The following CTPS2 variants were observed in gnomAD, a reference collection of about 807,000 sequenced individuals.
The protein encoded by CTPS2 is CTP synthase II.
In CTPS2, 19 loss-of-function variants were observed where a neutral mutation model predicts 46.8. The ratio of observed to expected loss-of-function variants is 0.41; its 90% CI spans 0.28 to 0.60. The LOEUF (loss-of-function observed/expected upper bound fraction) is 0.60. Ranked by LOEUF, CTPS2 falls within the 20% of genes least tolerant of loss-of-function variation. The pLI is 0.35. For missense variants in CTPS2, 286 were observed against 447.6 expected (o/e 0.64, Z 3.26); for synonymous variants, 151 against 165.2 (o/e 0.91, Z 0.66).
intron 15 of CTPS2, among the ~76,000 whole-genome samples, chrX:16,619,074 G>A (rs1400367618): frequency 7.1e-5 from 8 of 112,244 alleles, no homozygotes; most frequent in Non-Finnish European, 1.3e-4. Context: ...TATCCCACCA[G>A]TTGGGCCCGT....
intron 13 of CTPS2, among the ~76,000 whole-genome samples, chrX:16,651,855 A>G (rs1273434586): frequency 9.0e-6 from 1 of 111,706 alleles, no homozygotes; most frequent in Non-Finnish European, 1.9e-5. Context: ...TTTGCTAAAG[A>G]AAAAGCTGAG....
Position 16,674,710 on chromosome X carries a change from C to T in CTPS2, c.1094+3652G>A, listed in dbSNP as rs1177580622. Among the ~76,000 whole-genome samples the T allele has an allele frequency of 1.0e-4, 11 of 106,363 alleles. No homozygotes were observed. The South Asian group carries it at 1.7e-3, about 17-fold the overall frequency. The allele number at this position is 106,363 out of a possible 115,157, so 92.4% of individuals were successfully genotyped here. On this transcript the variant is annotated intron_variant, in intron 10 of 18. Coordinates refer to ENST00000359276, the MANE Select transcript of CTPS2 (RefSeq NM_175859.3). ...AAAATTAGCCGGGCGTGGTGGCAGG[C>T]GCCTGTAGTCCCAGCTACTCGGGAG...
At chrX:16,712,007 G>A (rs1384579108) in intron 1 of CTPS2, 1 of 111,108 alleles carries the variant, frequency 9.0e-6, no homozygotes, top group Admixed American at 9.4e-5. Context: ...GGAGAAGTGG[G>A]GATCCGGGTG....
At chrX:16,607,031 C>T (rs1235339458) in intron 17 of CTPS2, among the ~76,000 whole-genome samples, 1 of 112,902 alleles carries the variant, frequency 8.9e-6, no homozygotes, top group East Asian at 2.8e-4. Flanking sequence ...GGATTACAGG[C>T]GTGAGCCACC....
chrX:16,590,457 A>G (rs1928832418), intron 18 of CTPS2, among the ~76,000 whole-genome samples: 1 of 112,050 alleles, frequency 8.9e-6, no homozygotes, highest in Non-Finnish European at 1.9e-5. Flanking sequence ...CTGACCTTAC[A>G]GAAAGTCTGT....
At chrX:16,623,910 C>A (rs1203274223) in intron 14 of CTPS2, among the ~76,000 whole-genome samples, 1 of 97,722 alleles carries the variant, frequency 1.0e-5, no homozygotes, top group Non-Finnish European at 2.0e-5. Context: ...CGGGTTCAAG[C>A]AATTCTCCTG....
At chrX:16,634,638 AAT>A (rs1043255573) in intron 14 of CTPS2, among the ~76,000 whole-genome samples, 4 of 112,266 alleles carry the variant, frequency 3.6e-5, no homozygotes, top group Non-Finnish European at 3.8e-5. Context: ...AAAAAAGAGG[AAT>A]TGTTCTTGAA....
chrX:16,630,613 A>G (rs1931414691), intron 14 of CTPS2, among the ~76,000 whole-genome samples: 2 of 110,131 alleles, frequency 1.8e-5, no homozygotes, highest in South Asian at 7.9e-4. Context: ...AGCCCACAGT[A>G]CAACCCCGTG....
chrX:16,685,418 G>A (rs985434212), intron 8 of CTPS2, among the ~76,000 whole-genome samples: 24 of 111,021 alleles, frequency 2.2e-4, no homozygotes, highest in African/African-American at 4.3e-4. Context: ...CTGTACTTCC[G>A]AGAGCAACCA....
intron 5 of CTPS2, 47 bp from the exon 6 acceptor site, chrX:16,693,271 T>C (rs774520008): frequency 2.6e-5 from 28 of 1,090,095 alleles, no homozygotes; most frequent in Non-Finnish European, 3.4e-5. Flanking sequence ...CTAGCTCCTA[T>C]GGATGATTAA....
chrX:16,698,590 G>A (rs1016693072), intron 3 of CTPS2, among the ~76,000 whole-genome samples: 1 of 110,022 alleles, frequency 9.1e-6, no homozygotes, highest in Non-Finnish European at 1.9e-5. Context: ...TCACTCTGTC[G>A]CCCAGGCTGG....
chrX:16,620,960 C>A (rs1192802590), intron 14 of CTPS2, among the ~76,000 whole-genome samples: 1 of 112,240 alleles, frequency 8.9e-6, no homozygotes, highest in Non-Finnish European at 1.9e-5. Context: ...AAAGACTTAA[C>A]CACAAAGATG....
At chrX:16,702,586 T>C in intron 2 of CTPS2, 151 bp downstream of exon 2, 1 of 484,819 alleles carries the variant, frequency 2.1e-6, no homozygotes. Context: ...GTATGAACAA[T>C]GTATCAATGA....
At chrX:16,679,780 G>C (rs375360534) in intron 9 of CTPS2, among the ~76,000 whole-genome samples, 2 of 111,248 alleles carry the variant, frequency 1.8e-5, no homozygotes, top group Non-Finnish European at 3.8e-5. Context: ...CCAGAGGTTG[G>C]TCCTCTGCAC....
chrX:16,689,955 C>T (rs1330065560), intron 7 of CTPS2, among the ~76,000 whole-genome samples: 5 of 108,600 alleles, frequency 4.6e-5, no homozygotes, highest in East Asian at 5.8e-4. Context: ...AAGAGGCTGA[C>T]GCAGGAGAAT....
At chrX:16,683,603 A>G (rs1922917493) in intron 8 of CTPS2, among the ~76,000 whole-genome samples, 1 of 111,899 alleles carries the variant, frequency 8.9e-6, no homozygotes, top group South Asian at 3.7e-4. Context: ...TGTCTCATAA[A>G]ACAAAAACAG....
At chrX:16,590,940 C>T in intron 17 of CTPS2, 78 bp from the exon 18 acceptor site, 10 of 677,128 alleles carry the variant, frequency 1.5e-5, no homozygotes, top group Non-Finnish European at 2.3e-5. Context: ...ATTTCAAACA[C>T]ATTCCATATT....
At chrX:16,603,654 T>G (rs1929811037) in intron 17 of CTPS2, among the ~76,000 whole-genome samples, 1 of 110,181 alleles carries the variant, frequency 9.1e-6, no homozygotes, top group African/African-American at 3.3e-5. Context: ...AGGTATAGGC[T>G]CATAGGAAAT....
At chrX:16,639,766 AAAAGGAAAAGAAAAGAAAG>A (rs1931955384) in intron 13 of CTPS2, among the ~76,000 whole-genome samples, 1 of 88,861 alleles carries the variant, frequency 1.1e-5, no homozygotes, top group African/African-American at 4.0e-5. Context: ...AAAGGAAAAG[AAAAGGAAAAGAAAAGAAAG>A]AAAGAAAGAA....
Sources: gnomAD v4.1 joint callset for allele counts (sites outside exome capture counted in the v4.1 genomes callset) on GRCh38, gnomAD v4.1.1 for gene constraint, MANE v1.5 for transcripts, NCBI Gene and HGNC (gene_info 2026-07-23, HGNC 2026-07-21) for gene names.